Variants in CADPS2 observed in about 807,000 individuals in gnomAD.
CADPS2 encodes calcium dependent secretion activator 2, also known as calcium-dependent secretion activator 2.
A neutral mutation model predicts 172.5 loss-of-function variants in CADPS2; 93 were observed. The observed-to-expected ratio is 0.54, with a 90% CI of 0.46 to 0.64. The LOEUF is 0.64. Among genes scored for constraint, CADPS2 ranks in the 30% least tolerant of loss-of-function variants. The pLI is 0.00. For synonymous variants in CADPS2, 546 were observed against 555.2 expected (o/e 0.98, Z 0.23); for missense variants, 1,420 against 1,565.9 (o/e 0.91, Z 1.57).
At chr7:122,714,783 G>T (rs2089338988) in intron 2 of CADPS2, among the ~76,000 whole-genome samples, 1 of 152,106 alleles carries the variant, frequency 6.6e-6, no homozygotes, top group African/African-American at 2.4e-5. Flanking sequence ...TTGAATAATA[G>T]AAACTTACAG....
Position 122,379,418 on chromosome 7 carries a change from C to T in CADPS2, c.3337G>A (p.Asp1113Asn), listed in dbSNP as rs2042734940. ...QEQQYHSKID[D>N]LIDNSVKEII... Reference sequence around the variant, plus strand: ...TCTTTTACACTGTTGTCGATCAGATCATCTATTTTTGAATGGTACTGTTGC... The same window carrying T: ...TCTTTTACACTGTTGTCGATCAGATTATCTATTTTTGAATGGTACTGTTGC... The change falls in exon 25 of 30, where the codon GAT becomes AAT. Residue 1113 changes from aspartate to asparagine, a missense_variant. Asp to Asn is a conservative substitution (Grantham distance 23). Coordinates refer to ENST00000449022, the MANE Select transcript of CADPS2 (RefSeq NM_017954.11). 6.2e-7 allele frequency: 1 copy of T among 1,603,504 alleles called. No homozygotes were observed. The highest frequency in any genetic ancestry group is 8.5e-7 in the Non-Finnish European group (1 of 1,172,530).
In CADPS2 at chr7:122,394,766, G is replaced by A. The variant is rs564278061; in HGVS notation, c.2747-1184C>T. Among the ~76,000 whole-genome samples the A allele has an allele frequency of 5.3e-5, 8 of 152,304 alleles. No homozygotes were observed. The South Asian group carries it at 1.2e-3, about 24-fold the overall frequency. Reference sequence around the variant, plus strand: ...GAGTAAGGAGTGTTGCTCTTAGTGGGTGTGATGGGAAGCTTTATGATGCTT... The same window carrying A: ...GAGTAAGGAGTGTTGCTCTTAGTGGATGTGATGGGAAGCTTTATGATGCTT... On this transcript the variant is annotated intron_variant, in intron 20 of 29. Transcript: ENST00000449022.
chr7:122,716,713 C>T (rs1378386191), intron 2 of CADPS2, among the ~76,000 whole-genome samples: 1 of 152,090 alleles, frequency 6.6e-6, no homozygotes, highest in East Asian at 1.9e-4. Flanking sequence ...GAAAGGCAGG[C>T]ATGCCTGGTT....
chr7:122,859,125 TG>T, intron 1 of CADPS2, among the ~76,000 whole-genome samples: 1 of 152,350 alleles, frequency 6.6e-6, no homozygotes, highest in South Asian at 2.1e-4. Context: ...TTCTTACTCT[TG>T]GTTTCTTGTT....
chr7:122,500,867 G>A (rs540559702), intron 9 of CADPS2, among the ~76,000 whole-genome samples: 33 of 152,104 alleles, frequency 2.2e-4, no homozygotes, highest in Admixed American at 3.3e-4. Flanking sequence ...AAAAGGTAAA[G>A]CAAAAATATT....
At chr7:122,360,678 T>TC in intron 27 of CADPS2, 110 bp downstream of exon 27, 3 of 913,038 alleles carry the variant, frequency 3.3e-6, no homozygotes, top group Non-Finnish European at 5.0e-6. Context: ...AATAAACTAC[T>TC]CCCTAAGGGA....
At chr7:122,453,325 T>C (rs2053371735) in intron 14 of CADPS2, among the ~76,000 whole-genome samples, 2 of 152,278 alleles carry the variant, frequency 1.3e-5, no homozygotes, top group South Asian at 4.1e-4. Context: ...TATATTTATT[T>C]AATAATGGAT....
At chr7:122,527,784 C>A (rs1417493783) in intron 8 of CADPS2, among the ~76,000 whole-genome samples, 1 of 151,840 alleles carries the variant, frequency 6.6e-6, no homozygotes, top group Non-Finnish European at 1.5e-5. Flanking sequence ...CAGGCTTGTG[C>A]AGAATGAACA....
At chr7:122,626,393 G>C (rs2430024) in intron 4 of CADPS2, among the ~76,000 whole-genome samples, 75,624 of 151,888 alleles carry the variant, frequency 0.5, 18,981 homozygotes, top group East Asian at 0.68. Flanking sequence ...TAAAGATAAA[G>C]GATTTCCTGA....
intron 28 of CADPS2, chr7:122,330,997 G>C (rs2034845358): frequency 6.6e-6 from 1 of 152,080 alleles, no homozygotes; most frequent in African/African-American, 2.4e-5. Context: ...GTTTAAATTT[G>C]ACTTACAGGA....
intron 1 of CADPS2, among the ~76,000 whole-genome samples, chr7:122,855,759 T>C (rs1815020385): frequency 6.6e-6 from 1 of 152,192 alleles, no homozygotes; most frequent in South Asian, 2.1e-4. Context: ...TTCTTTTAAA[T>C]TCTAGGCACT....
At chr7:122,325,436 T>G (rs370185604) in intron 29 of CADPS2, 41 bp downstream of exon 29, 30 of 1,284,422 alleles carry the variant, frequency 2.3e-5, no homozygotes, top group African/African-American at 4.4e-5. Flanking sequence ...TTATTCCTTA[T>G]AGCTTAGTGG....
At chr7:122,615,348 G>A (rs1393571430) in intron 5 of CADPS2, 49 bp from the exon 6 acceptor site, 1 of 1,234,552 alleles carries the variant, frequency 8.1e-7, no homozygotes, top group Non-Finnish European at 1.1e-6. Flanking sequence ...ATAACATTTA[G>A]CAATATACAT....
At chr7:122,842,132 T>G (rs532408137) in intron 1 of CADPS2, among the ~76,000 whole-genome samples, 1 of 152,266 alleles carries the variant, frequency 6.6e-6, no homozygotes, top group East Asian at 1.9e-4. Flanking sequence ...GAGCTTTGGC[T>G]CAGGAACACG....
chr7:122,445,844 C>A (rs1444874766), intron 15 of CADPS2, among the ~76,000 whole-genome samples: 2 of 152,122 alleles, frequency 1.3e-5, no homozygotes, highest in African/African-American at 4.8e-5. Context: ...TAGGATTCTG[C>A]AACTTAAATA....
intron 14 of CADPS2, among the ~76,000 whole-genome samples, chr7:122,461,594 GTTGTT>G (rs1201009389): frequency 6.6e-6 from 1 of 152,106 alleles, no homozygotes; most frequent in South Asian, 2.1e-4. Context: ...CTTTTTTGTT[GTTGTT>G]TTGTTTTGTT....
intron 9 of CADPS2, among the ~76,000 whole-genome samples, chr7:122,503,268 T>C (rs2059363905): frequency 6.6e-6 from 1 of 152,096 alleles, no homozygotes; most frequent in Admixed American, 6.5e-5. Context: ...ACTCCTGACC[T>C]TGTGATCTGC....
In CADPS2 at chr7:122,705,456, T is replaced by A. The variant is rs554094545; in HGVS notation, c.453+31499A>T. Among the ~76,000 whole-genome samples the A allele has an allele frequency of 8.6e-3, 1,164 of 135,716 alleles. 28 individuals are homozygous for A. The highest frequency in any genetic ancestry group is 0.031 in the African/African-American group (1,120 of 36,004). The allele number at this position is 135,716 out of a possible 152,430, so 89.0% of individuals were successfully genotyped here. A position where few individuals can be genotyped will look rare whatever the true frequency, so the allele number is the denominator to read the frequency against. The stretch of plus-strand genomic sequence containing the variant: ...ATATGTAATATAATATTATATATTA[T>A]CTATATTATATATTATATATATTTA... On this transcript the variant is annotated intron_variant, in intron 2 of 29. Transcript: ENST00000449022.
intron 25 of CADPS2, among the ~76,000 whole-genome samples, chr7:122,374,547 ACT>A (rs1237884248): frequency 3.3e-5 from 5 of 152,146 alleles, no homozygotes; most frequent in Admixed American, 1.3e-4. Context: ...AACCCTAAAG[ACT>A]CTACAAAAAA....
Sources: allele counts gnomAD v4.1 joint callset (sites outside exome capture counted in the v4.1 genomes callset), GRCh38; gene constraint gnomAD v4.1.1; transcripts MANE v1.5; gene names NCBI Gene and HGNC (gene_info 2026-07-23, HGNC 2026-07-21).